Variants in SOX6 observed in about 807,000 individuals in gnomAD.
SOX6 encodes the protein SRY-box transcription factor 6, also known as transcription factor SOX-6.
SOX6 carries 11 observed loss-of-function variants against 97.8 expected under a neutral mutation model. The observed-to-expected ratio is 0.11, with a 90% confidence interval of 0.07 to 0.19. The LOEUF is 0.19. Ranked by LOEUF, SOX6 falls within the 10% of genes least tolerant of loss-of-function variation. SOX6 has a pLI of 1.00. For synonymous variants in SOX6, 360 were observed against 371.4 expected (o/e 0.97, Z 0.35); for missense variants, 810 against 1,039.5 (o/e 0.78, Z 3.04).
At position 16,292,362 on chromosome 11, in the gene SOX6, C is replaced by T. The variant is rs140270332; in HGVS notation, c.445+26084G>A. Among the ~76,000 whole-genome samples, 4 of 152,126 alleles carry T rather than the reference C, an allele frequency of 2.6e-5. No individual in the cohort carries two copies. In the East Asian group the frequency reaches 7.8e-4, roughly 29 times the overall value. ...GGGGATTTATAAGTAAGGTGGTAATCTGGCGCTTTGGAAGGCTTATCTACA... is the reference window on the plus strand; with the variant it reads ...GGGGATTTATAAGTAAGGTGGTAATTTGGCGCTTTGGAAGGCTTATCTACA... On this transcript the variant is annotated intron_variant, in intron 3 of 15. Coordinates refer to ENST00000683767, the MANE Select transcript of SOX6 (RefSeq NM_001367873.1).
intron 12 of SOX6, among the ~76,000 whole-genome samples, chr11:16,027,625 A>C (rs1035840443): frequency 6.6e-6 from 1 of 152,208 alleles, no homozygotes; most frequent in Non-Finnish European, 1.5e-5. Flanking sequence ...CAATATAAGT[A>C]ATTTCCTTAT....
intron 4 of SOX6, among the ~76,000 whole-genome samples, chr11:16,512,339 A>G (rs748085155): frequency 6.6e-6 from 1 of 152,224 alleles, no homozygotes; most frequent in Admixed American, 6.5e-5. Context: ...CGGTTTCAAC[A>G]TTACATCACA....
At chr11:16,360,445 C>A (rs571423061), upstream of SOX6, among the ~76,000 whole-genome samples, 352 of 152,270 alleles carry the variant, frequency 2.3e-3, 2 homozygotes, top group Non-Finnish European at 2.0e-3. Flanking sequence ...ACTTGTGTAA[C>A]ATTCATTTAA....
intron 1 of SOX6, among the ~76,000 whole-genome samples, chr11:16,449,447 C>T (rs1428813189): frequency 2.0e-5 from 3 of 151,864 alleles, no homozygotes; most frequent in Non-Finnish European, 4.4e-5. Flanking sequence ...CGCCCGCTAC[C>T]ATGCCCGGCT....
At chr11:16,344,908 G>A (rs1029189801) in intron 1 of SOX6, among the ~76,000 whole-genome samples, 9 of 151,722 alleles carry the variant, frequency 5.9e-5, no homozygotes, top group East Asian at 1.9e-4. Context: ...CTAAAGCAGC[G>A]CAAATGTTGC....
intron 9 of SOX6, among the ~76,000 whole-genome samples, chr11:16,065,946 C>T (rs148008416): frequency 2.6e-4 from 39 of 152,094 alleles, no homozygotes; most frequent in Admixed American, 2.6e-3. Flanking sequence ...TTCTGCACAG[C>T]AAAGGAAACA....
intron 4 of SOX6, among the ~76,000 whole-genome samples, chr11:16,506,994 G>A (rs1312889266): frequency 1.3e-5 from 2 of 152,028 alleles, no homozygotes; most frequent in Admixed American, 6.6e-5. Flanking sequence ...AGCCAAGAAG[G>A]CAGAGGTTGC....
At chr11:16,194,727 G>C (rs1413395206) in intron 4 of SOX6, among the ~76,000 whole-genome samples, 1 of 152,156 alleles carries the variant, frequency 6.6e-6, no homozygotes, top group Non-Finnish European at 1.5e-5. Context: ...TCTATTCCTG[G>C]ATCAACTGAG....
intron 3 of SOX6, among the ~76,000 whole-genome samples, chr11:16,276,655 G>C (rs1444274955): frequency 6.6e-6 from 1 of 152,202 alleles, no homozygotes; most frequent in East Asian, 1.9e-4. Flanking sequence ...GAAGGCCAGA[G>C]GATTTGCAGG....
intron 2 of SOX6, among the ~76,000 whole-genome samples, chr11:16,323,229 T>C (rs543028936): frequency 5.2e-4 from 79 of 152,076 alleles, no homozygotes; most frequent in African/African-American, 1.7e-3. Context: ...GTGTAGATGA[T>C]TGAAAAAGTA....
intron 4 of SOX6, among the ~76,000 whole-genome samples, chr11:16,196,245 A>C (rs1851770471): frequency 6.6e-6 from 1 of 152,226 alleles, no homozygotes; most frequent in Non-Finnish European, 1.5e-5. Context: ...TGAAGCATGC[A>C]AAAGTAACGC....
intron 1 of SOX6, among the ~76,000 whole-genome samples, chr11:16,446,187 G>T (rs1407056837): frequency 6.6e-6 from 1 of 151,980 alleles, no homozygotes; most frequent in African/African-American, 2.4e-5. Flanking sequence ...TATAAGGGTT[G>T]CATGTAAGAA....
intron 12 of SOX6, among the ~76,000 whole-genome samples, chr11:16,044,020 A>T (rs1342456091): frequency 6.6e-6 from 1 of 152,180 alleles, no homozygotes; most frequent in African/African-American, 2.4e-5. Flanking sequence ...ACCAGAGTAC[A>T]ACCTCTCCCT....
intron 2 of SOX6, among the ~76,000 whole-genome samples, chr11:16,715,427 C>A (rs1183498583): frequency 6.6e-6 from 1 of 152,026 alleles, no homozygotes; most frequent in Non-Finnish European, 1.5e-5. Flanking sequence ...TGTAGAATAG[C>A]ATTGTCTTGC....
At chr11:16,682,797 T>G (rs1304200568) in intron 3 of SOX6, among the ~76,000 whole-genome samples, 1 of 152,160 alleles carries the variant, frequency 6.6e-6, no homozygotes, top group East Asian at 1.9e-4. Flanking sequence ...GAAGTCAAAT[T>G]GTCTCTGTTT....
intron 1 of SOX6, among the ~76,000 whole-genome samples, chr11:16,386,800 T>C (rs918111885): frequency 4.6e-5 from 7 of 152,174 alleles, no homozygotes; most frequent in African/African-American, 7.2e-5. Flanking sequence ...TTTATTATCC[T>C]ACAATTAAAT....
chr11:16,377,405 A>G (rs951299727), intron 1 of SOX6, among the ~76,000 whole-genome samples: 13 of 152,142 alleles, frequency 8.5e-5, no homozygotes, highest in Non-Finnish European at 4.4e-5. Flanking sequence ...AAGCCAGTTA[A>G]TAATAGGAGG....
chr11:16,341,205 T>A lies in SOX6; in HGVS notation c.44A>T (p.Asp15Val). The change falls in exon 2 of 16, where the codon GAT (aspartate) becomes GTT (valine). Residue 15 changes from aspartate to valine, a missense_variant. Asp to Val is a radical substitution (Grantham distance 152). This residue lies in a region of SOX6 where 100 missense variants were observed against 94.6 expected (regional missense o/e 1.06). Coordinates refer to ENST00000683767, the MANE Select transcript of SOX6 (RefSeq NM_001367873.1). Reference protein sequence around the residue: ...QATSPFACAADGEDAMTQDLT... With the variant: ...QATSPFACAAVGEDAMTQDLT... Reference sequence around the variant, plus strand: ...ATCCTGGGTCATTGCATCCTCTCCATCAGCTGCACAGGCAAATGGAGAGGT... The same window carrying A: ...ATCCTGGGTCATTGCATCCTCTCCAACAGCTGCACAGGCAAATGGAGAGGT... 1 of 1,613,382 alleles carries A rather than the reference T, an allele frequency of 6.2e-7. No individual in the cohort carries two copies. Among genetic ancestry groups the A allele is most frequent in the Non-Finnish European group, 8.5e-7 (1 of 1,179,568 alleles).
intron 2 of SOX6, among the ~76,000 whole-genome samples, chr11:16,325,528 T>C (rs748249210): frequency 6.6e-6 from 1 of 151,870 alleles, no homozygotes; most frequent in African/African-American, 2.4e-5. Flanking sequence ...CAGAAAAAAA[T>C]AGTAATTTAA....
Sources: allele counts gnomAD v4.1 joint callset (sites outside exome capture counted in the v4.1 genomes callset), GRCh38; gene constraint gnomAD v4.1.1; regional missense constraint gnomAD v4.1.1; transcripts MANE v1.5; gene names NCBI Gene and HGNC (gene_info 2026-07-23, HGNC 2026-07-21).